TMCC1: variants seen among roughly 807,000 people sequenced by gnomAD.
The protein encoded by TMCC1 is transmembrane and coiled-coil domain family 1.
TMCC1 carries 15 observed loss-of-function variants against 52.4 expected under a neutral mutation model. The ratio of observed to expected loss-of-function variants is 0.29; its 90% CI spans 0.19 to 0.44. The LOEUF (loss-of-function observed/expected upper bound fraction) is 0.44. TMCC1 is among the 20% of genes least tolerant of loss of function. The probability of loss-of-function intolerance (pLI) is 1.00; values close to 1 mark genes in which losing one functional copy is unlikely to be tolerated. For synonymous variants in TMCC1, 279 were observed against 301.9 expected (o/e 0.92, Z 0.79); for missense variants, 503 against 806.0 (o/e 0.62, Z 4.55).
In TMCC1 at chr3:129,888,664, T is replaced by C. The variant is rs753954000; in HGVS notation, c.-435+4830A>G. Among the ~76,000 whole-genome samples, 230 of 152,182 alleles carry C rather than the reference T, an allele frequency of 1.5e-3. 2 individuals are homozygous for C. Among genetic ancestry groups the C allele is most frequent in the Non-Finnish European group, 1.2e-3 (83 of 68,038 alleles). On this transcript the variant is annotated intron_variant, in intron 1 of 6. Coordinates refer to ENST00000393238, the MANE Select transcript of TMCC1 (RefSeq NM_001017395.5). Reference sequence around the variant, plus strand: ...GCTGAAATAATTTAGCAATGAAATTTAAGTAGATACACCACCCTTAAGGAG... The same window carrying C: ...GCTGAAATAATTTAGCAATGAAATTCAAGTAGATACACCACCCTTAAGGAG...
At chr3:129,769,261 G>A (rs935658315) in intron 4 of TMCC1, among the ~76,000 whole-genome samples, 11 of 152,128 alleles carry the variant, frequency 7.2e-5, no homozygotes, top group African/African-American at 1.9e-4. Flanking sequence ...ACGGAGTCTC[G>A]CTCTGTCACC....
At chr3:129,672,087 C>A (rs2087995637) in intron 4 of TMCC1, among the ~76,000 whole-genome samples, 1 of 152,192 alleles carries the variant, frequency 6.6e-6, no homozygotes, top group African/African-American at 2.4e-5. Context: ...AGCACGTATA[C>A]TTAATCCTTT....
intron 4 of TMCC1, among the ~76,000 whole-genome samples, chr3:129,786,266 A>G (rs1197460158): frequency 6.6e-6 from 1 of 151,994 alleles, no homozygotes; most frequent in Non-Finnish European, 1.5e-5. Flanking sequence ...AAAGGAACAG[A>G]TACTAAACAT....
intron 1 of TMCC1, among the ~76,000 whole-genome samples, chr3:129,885,539 C>T (rs532445881): frequency 2.7e-5 from 4 of 150,826 alleles, no homozygotes; most frequent in Admixed American, 6.6e-5. Flanking sequence ...GAGCTGAGAT[C>T]GTGCCACTGC....
At chr3:129,766,908 C>T (rs952217213) in intron 4 of TMCC1, among the ~76,000 whole-genome samples, 2 of 151,780 alleles carry the variant, frequency 1.3e-5, no homozygotes, top group South Asian at 2.1e-4. Flanking sequence ...TGTGAGCCAC[C>T]GTGCCCAGCG....
chr3:129,740,871 G>C (rs1169283983), intron 4 of TMCC1, among the ~76,000 whole-genome samples: 1 of 152,044 alleles, frequency 6.6e-6, no homozygotes, highest in Non-Finnish European at 1.5e-5. Context: ...ACTATTATTT[G>C]ACTGGGCTTT....
At chr3:129,889,867 C>G (rs1351863766) in intron 1 of TMCC1, among the ~76,000 whole-genome samples, 2 of 146,270 alleles carry the variant, frequency 1.4e-5, no homozygotes, top group Non-Finnish European at 3.0e-5. Context: ...AAGATTTGGT[C>G]AAGGAGATAA....
chr3:129,738,273 C>CAAA (rs575044593), intron 4 of TMCC1, among the ~76,000 whole-genome samples: 62 of 118,596 alleles, frequency 5.2e-4, no homozygotes, highest in African/African-American at 1.3e-3. Flanking sequence ...TCCGCCTAAA[C>CAAA]AAAAAAAAAA....
chr3:129,757,592 G>C (rs190575931), intron 4 of TMCC1, among the ~76,000 whole-genome samples: 2 of 152,092 alleles, frequency 1.3e-5, no homozygotes, highest in Non-Finnish European at 2.9e-5. Flanking sequence ...AGGCCAAGGT[G>C]GGGGGATCAT....
intron 2 of TMCC1, among the ~76,000 whole-genome samples, chr3:129,870,915 G>T (rs1000657524): frequency 1.4e-4 from 22 of 151,926 alleles, no homozygotes; most frequent in African/African-American, 5.3e-4. Flanking sequence ...AGAACAAAGG[G>T]ACTATTACTT....
intron 4 of TMCC1, among the ~76,000 whole-genome samples, chr3:129,686,095 C>CGA (rs1208399708): frequency 6.6e-6 from 1 of 152,168 alleles, no homozygotes; most frequent in African/African-American, 2.4e-5. Context: ...CCTGCATTCA[C>CGA]GTAGGTTCTC....
chr3:129,750,778 T>C (rs2052436622), intron 4 of TMCC1, among the ~76,000 whole-genome samples: 1 of 150,404 alleles, frequency 6.6e-6, no homozygotes, highest in Non-Finnish European at 1.5e-5. Context: ...GGTTTCACTA[T>C]GTTAGCCAGG....
intron 2 of TMCC1, among the ~76,000 whole-genome samples, chr3:129,851,742 T>C (rs1048442630): frequency 2.6e-5 from 4 of 152,154 alleles, no homozygotes; most frequent in African/African-American, 9.7e-5. Context: ...TGGGTACATA[T>C]ACAAAAGAGT....
intron 4 of TMCC1, among the ~76,000 whole-genome samples, chr3:129,769,426 C>T (rs368720136): frequency 2.5e-4 from 38 of 152,192 alleles, no homozygotes; most frequent in African/African-American, 9.2e-4. Context: ...GACGGGGTTT[C>T]ACCATGTTGG....
At chr3:129,810,342 T>A (rs80277495) in intron 4 of TMCC1, among the ~76,000 whole-genome samples, 5,375 of 144,410 alleles carry the variant, frequency 0.037, 310 homozygotes, top group African/African-American at 0.14. Context: ...TGAGAGACAC[T>A]GTCTCCCAAA....
rs774256665 is a variant in TMCC1 at position 129,680,099 on chromosome 3, CT to C, written c.577-8836del. On this transcript the variant is annotated intron_variant, in intron 4 of 6. Coordinates refer to ENST00000393238, the MANE Select transcript of TMCC1 (RefSeq NM_001017395.5). The stretch of plus-strand genomic sequence containing the variant: ...AAAAAGCTTAGAGTTCATTTATACT[CT>C]TGCATGAATTGCCCTAAAATACTTT... 4.6e-5 allele frequency among the ~76,000 whole-genome samples: 7 copies of C among 152,282 alleles called. No homozygotes were observed. The East Asian group carries it at 1.3e-3, about 29-fold the overall frequency.
At chr3:129,795,597 T>A (rs919437416) in intron 4 of TMCC1, among the ~76,000 whole-genome samples, 2 of 152,182 alleles carry the variant, frequency 1.3e-5, no homozygotes, top group Admixed American at 1.3e-4. Context: ...ATCCTATTGA[T>A]TTATCAAAAC....
chr3:129,781,795 TAATAA>T (rs1050435986), intron 4 of TMCC1, among the ~76,000 whole-genome samples: 3 of 152,144 alleles, frequency 2.0e-5, no homozygotes, highest in Non-Finnish European at 2.9e-5. Flanking sequence ...TCACTTTGGC[TAATAA>T]AATGTGTTAA....
At chr3:129,736,305 A>G (rs182974954) in intron 4 of TMCC1, among the ~76,000 whole-genome samples, 159 of 152,354 alleles carry the variant, frequency 1.0e-3, no homozygotes, top group African/African-American at 3.4e-3. Context: ...TATCCCGTGC[A>G]GAGCCTGCCA....
Sources: gnomAD v4.1 joint callset for allele counts (sites outside exome capture counted in the v4.1 genomes callset) on GRCh38, gnomAD v4.1.1 for gene constraint, MANE v1.5 for transcripts, NCBI Gene and HGNC (gene_info 2026-07-23, HGNC 2026-07-21) for gene names.